KLHL32: variants seen among roughly 807,000 people sequenced by gnomAD.
KLHL32 encodes kelch-like protein 32.
KLHL32 carries 35 observed loss-of-function variants against 64.8 expected under a neutral mutation model. The ratio of observed to expected loss-of-function variants is 0.54; its 90% confidence interval spans 0.41 to 0.72. KLHL32 has a LOEUF of 0.72. KLHL32 is among the 30% of genes least tolerant of loss of function. KLHL32 has a pLI of 0.00. For synonymous variants in KLHL32, 259 were observed against 281.0 expected (o/e 0.92, Z 0.78); for missense variants, 589 against 768.5 (o/e 0.77, Z 2.76).
intron 3 of KLHL32, among the ~76,000 whole-genome samples, chr6:96,992,775 T>G (rs1462200042): frequency 6.6e-6 from 1 of 152,208 alleles, no homozygotes; most frequent in Non-Finnish European, 1.5e-5. Context: ...CTGGAGAAAC[T>G]TCATTATTTG....
chr6:97,022,419 G>T (rs9320382), intron 3 of KLHL32, among the ~76,000 whole-genome samples: 10,231 of 149,472 alleles, frequency 0.068, 1,279 homozygotes, highest in African/African-American at 0.19. Flanking sequence ...CTCAAATACT[G>T]TATTACCTTC....
chr6:96,968,875 T>G (rs1774796027), intron 2 of KLHL32, among the ~76,000 whole-genome samples: 1 of 152,170 alleles, frequency 6.6e-6, no homozygotes, highest in Admixed American at 6.5e-5. Flanking sequence ...ATTTCAAGGA[T>G]GGGTAGAGAG....
In KLHL32 at chr6:97,021,744, A is replaced by G. The variant is rs189999141; in HGVS notation, c.205-19748A>G. Among the ~76,000 whole-genome samples, 5 of 151,006 alleles carry G rather than the reference A, an allele frequency of 3.3e-5. 1 individual carries two copies. The highest frequency in any genetic ancestry group is 9.9e-5 in the African/African-American group (4 of 40,268). On this transcript the variant is annotated intron_variant, in intron 3 of 10. Transcript: ENST00000369261. ...GGACTTCCCCTAAAATTGTGAAATCATATATCCAACAGCCTGCTTATCATC... is the reference window on the plus strand; with the variant it reads ...GGACTTCCCCTAAAATTGTGAAATCGTATATCCAACAGCCTGCTTATCATC...
chr6:97,060,324 G>C (rs1788667987), intron 4 of KLHL32, among the ~76,000 whole-genome samples: 1 of 152,148 alleles, frequency 6.6e-6, no homozygotes, highest in Non-Finnish European at 1.5e-5. Flanking sequence ...ATAAGGGAGA[G>C]GGAAAATAAA....
Position 96,976,195 on chromosome 6 carries a change from G to GT in KLHL32, c.204+21dup. 1 of 1,517,620 alleles carries GT rather than the reference G, an allele frequency of 6.6e-7. No individual in the cohort carries two copies. The highest frequency in any genetic ancestry group is 8.9e-7 in the Non-Finnish European group (1 of 1,124,512). The allele number at this position is 1,517,620 out of a possible 1,614,324, so 94.0% of individuals were successfully genotyped here. The stretch of plus-strand genomic sequence containing the variant: ...ATTTCCGGGTAAGTCAGCATTGTTT[G>GT]TTTCTCGTAAAATATTGATAAAGAG... On this transcript the variant is annotated intron_variant, in intron 3 of 10. Coordinates refer to ENST00000369261, the MANE Select transcript of KLHL32 (RefSeq NM_052904.4).
intron 1 of KLHL32, among the ~76,000 whole-genome samples, chr6:96,932,163 T>C (rs976044233): frequency 6.6e-6 from 1 of 151,934 alleles, no homozygotes; most frequent in East Asian, 1.9e-4. Context: ...TCACTAGTCT[T>C]TCCTAGCCTG....
At chr6:97,102,891 G>A (rs1325020209) in intron 6 of KLHL32, among the ~76,000 whole-genome samples, 1 of 151,726 alleles carries the variant, frequency 6.6e-6, no homozygotes, top group African/African-American at 2.4e-5. Context: ...TCTTATATAG[G>A]TAAACTGATG....
intron 7 of KLHL32, among the ~76,000 whole-genome samples, chr6:97,125,689 G>A (rs1293523742): frequency 6.6e-6 from 1 of 152,124 alleles, no homozygotes; most frequent in Non-Finnish European, 1.5e-5. Context: ...GTCTATCACA[G>A]TTAGGGTCCT....
At chr6:97,000,271 A>G (rs879367178) in intron 3 of KLHL32, among the ~76,000 whole-genome samples, 1 of 152,144 alleles carries the variant, frequency 6.6e-6, no homozygotes, top group Non-Finnish European at 1.5e-5. Context: ...AATTGATGCT[A>G]CTCAAAGTGT....
chr6:97,062,583 C>G (rs1339322945), intron 4 of KLHL32: 1 of 151,926 alleles, frequency 6.6e-6, no homozygotes. Context: ...TTTTTTCTTT[C>G]TTATAAAATT....
In KLHL32 at chr6:97,112,078, C is replaced by G. The variant is rs904628747; in HGVS notation, c.628-1705C>G. On this transcript the variant is annotated intron_variant, in intron 6 of 10. Coordinates refer to ENST00000369261, the MANE Select transcript of KLHL32 (RefSeq NM_052904.4). ...GGTGGTTTTGGAAAAGTCAACATTC[C>G]AGCATGAAACAGGAATGTATGTTCT... Among the ~76,000 whole-genome samples, 3 of 152,146 alleles carry G rather than the reference C, an allele frequency of 2.0e-5. No homozygotes were observed. The East Asian group carries it at 5.8e-4, about 29-fold the overall frequency.
chr6:97,106,327 T>G (rs1462204553), intron 6 of KLHL32, among the ~76,000 whole-genome samples: 1 of 152,234 alleles, frequency 6.6e-6, no homozygotes, highest in Non-Finnish European at 1.5e-5. Flanking sequence ...ATATCATATA[T>G]TCTACTCTGT....
In KLHL32 at chr6:97,092,719, A is replaced by G. The variant is rs9374347; in HGVS notation, c.627+7378A>G. ...CTTTCCTTCTAATCTATATGCGGCT[A>G]ACTCCTCTGTGAGGGTGCATCCCAC... On this transcript the variant is annotated intron_variant, in intron 6 of 10. Transcript: ENST00000369261. Among the ~76,000 whole-genome samples the G allele has an allele frequency of 1.1e-3, 162 of 152,304 alleles. 2 individuals are homozygous for G. In the East Asian group the frequency reaches 0.022, roughly 21 times the overall value.
chr6:96,996,491 G>T (rs1187090334), intron 3 of KLHL32, among the ~76,000 whole-genome samples: 1 of 152,074 alleles, frequency 6.6e-6, no homozygotes, highest in African/African-American at 2.4e-5. Context: ...TATGTAATTA[G>T]AAATAAATAG....
intron 7 of KLHL32, among the ~76,000 whole-genome samples, chr6:97,114,757 A>C (rs1428831821): frequency 6.6e-6 from 1 of 151,272 alleles, no homozygotes; most frequent in Non-Finnish European, 1.5e-5. Context: ...TTGGTCCATC[A>C]CAACTGTTTT....
intron 6 of KLHL32, among the ~76,000 whole-genome samples, chr6:97,110,748 T>A (rs1473509157): frequency 6.6e-6 from 1 of 152,210 alleles, no homozygotes; most frequent in Non-Finnish European, 1.5e-5. Context: ...ATATTTTCCT[T>A]GACAGCTTTG....
intron 7 of KLHL32, among the ~76,000 whole-genome samples, chr6:97,126,913 A>AT: frequency 6.6e-6 from 1 of 152,014 alleles, no homozygotes; most frequent in Non-Finnish European, 1.5e-5. Flanking sequence ...CTCTTGTTAT[A>AT]TTCTATTGGA....
intron 3 of KLHL32, among the ~76,000 whole-genome samples, chr6:97,031,578 ACTT>A (rs1783555821): frequency 6.6e-6 from 1 of 151,956 alleles, no homozygotes; most frequent in Admixed American, 6.6e-5. Context: ...CCTCAAGTGA[ACTT>A]CTAGCCTCAG....
rs148479944 is a variant in KLHL32 at position 96,928,883 on chromosome 6, T to C, written c.-66+3857T>C. 2.0e-4 allele frequency among the ~76,000 whole-genome samples: 31 copies of C among 152,334 alleles called. 1 individual carries two copies. The East Asian group carries it at 6.0e-3, about 29-fold the overall frequency. On this transcript the variant is annotated intron_variant, in intron 1 of 10. Transcript: ENST00000369261. ...CAGATTTTAAGGTTGCATATACTTT[T>C]GATGAAGTCTTATATGTTTGGGACA... is the stretch of plus-strand genomic sequence containing the variant.
Sources: allele counts gnomAD v4.1 joint callset (sites outside exome capture counted in the v4.1 genomes callset), GRCh38; gene constraint gnomAD v4.1.1; transcripts MANE v1.5; gene names NCBI Gene and HGNC (gene_info 2026-07-23, HGNC 2026-07-21).